Variants in DCC observed in about 807,000 individuals in gnomAD.
DCC encodes netrin receptor DCC.
Under a neutral mutation model 172.5 loss-of-function variants are expected in DCC, and 58 were observed. The observed-to-expected ratio is 0.34, with a 90% confidence interval of 0.27 to 0.42. The LOEUF (loss-of-function observed/expected upper bound fraction) is 0.42. DCC is among the 10% of genes least tolerant of loss of function. The pLI, the probability that DCC is intolerant of heterozygous loss-of-function variation, is 1.00. For synonymous variants in DCC, 709 were observed against 644.5 expected (o/e 1.10, Z -1.52); for missense variants, 1,740 against 1,791.0 (o/e 0.97, Z 0.51).
chr18:52,745,983 T>G (rs1207441530), intron 1 of DCC, among the ~76,000 whole-genome samples: 2 of 152,204 alleles, frequency 1.3e-5, no homozygotes, highest in Admixed American at 1.3e-4. Context: ...TAATTCATGT[T>G]TGTTTGTTTT....
chr18:52,602,400 A>AGTGTGT (rs71175506), intron 1 of DCC, among the ~76,000 whole-genome samples: 3,623 of 148,628 alleles, frequency 0.024, 138 homozygotes, highest in African/African-American at 0.076. Flanking sequence ...TTAGTATCAA[A>AGTGTGT]GTGTGTGTGT....
intron 1 of DCC, among the ~76,000 whole-genome samples, chr18:52,498,832 C>T (rs1372756321): frequency 6.6e-6 from 1 of 151,998 alleles, no homozygotes. Context: ...ATAAGGCCAC[C>T]AGATTTATAG....
At chr18:52,906,785 TATATC>T (rs1568179557) in intron 3 of DCC, among the ~76,000 whole-genome samples, 1 of 151,892 alleles carries the variant, frequency 6.6e-6, no homozygotes, top group African/African-American at 2.4e-5. Flanking sequence ...ATATGTATCA[TATATC>T]ATATATCTAT....
At chr18:53,148,153 A>C (rs1468678229) in intron 7 of DCC, among the ~76,000 whole-genome samples, 2 of 152,208 alleles carry the variant, frequency 1.3e-5, no homozygotes, top group Non-Finnish European at 2.9e-5. Context: ...TAACCAAAGG[A>C]AATTGCAGGG....
At chr18:53,198,175 ACCAGAGATAGCTAAT>A (rs1034503961) in intron 9 of DCC, among the ~76,000 whole-genome samples, 2 of 152,150 alleles carry the variant, frequency 1.3e-5, no homozygotes, top group Non-Finnish European at 2.9e-5. Flanking sequence ...ACCAAAAGAA[ACCAGAGATAGCTAAT>A]CCATTGGCAG....
intron 13 of DCC, among the ~76,000 whole-genome samples, chr18:53,306,544 T>G (rs1011431888): frequency 1.3e-5 from 2 of 152,212 alleles, no homozygotes; most frequent in Admixed American, 6.5e-5. Flanking sequence ...AGAAGCCACA[T>G]GAACTATCTC....
chr18:53,225,017 G>A (rs1183285943), intron 12 of DCC, among the ~76,000 whole-genome samples: 1 of 152,122 alleles, frequency 6.6e-6, no homozygotes, highest in Non-Finnish European at 1.5e-5. Flanking sequence ...TAGAGATTGG[G>A]CAGATGAGGA....
At chr18:53,357,534 T>C (rs1186318056) in intron 15 of DCC, among the ~76,000 whole-genome samples, 1 of 152,198 alleles carries the variant, frequency 6.6e-6, no homozygotes, top group Non-Finnish European at 1.5e-5. Flanking sequence ...AATGAATAAG[T>C]ACCATGTAGA....
At chr18:52,926,136 C>T (rs902529543) in intron 5 of DCC, among the ~76,000 whole-genome samples, 1 of 151,786 alleles carries the variant, frequency 6.6e-6, no homozygotes, top group African/African-American at 2.4e-5. Context: ...AATTTTTCCT[C>T]TGGAATAAAT....
chr18:52,689,574 G>A (rs549120275), intron 1 of DCC, among the ~76,000 whole-genome samples: 53 of 152,210 alleles, frequency 3.5e-4, no homozygotes, highest in African/African-American at 1.1e-3. Context: ...GTCTTCAAGC[G>A]CAGTGCCTAG....
chr18:52,891,032 T>C (rs750370831), intron 2 of DCC, among the ~76,000 whole-genome samples: 74 of 152,012 alleles, frequency 4.9e-4, no homozygotes, highest in Non-Finnish European at 9.3e-4. Context: ...TCAGTGTAAA[T>C]GGTGTAAAAT....
rs146942772 is a variant in DCC at position 53,206,130 on chromosome 18, A to ATATACATCTATATG, written c.1722+773_1722+774insCTATATGTATACAT. On this transcript the variant is annotated intron_variant, in intron 10 of 28. Transcript: ENST00000442544. ...TATAATACATATATAAGCATAATAC[A>ATATACATCTATATG]TATACATATATTATATATTATATAA... is the stretch of plus-strand genomic sequence containing the variant. Among the ~76,000 whole-genome samples, 39 of 111,160 alleles carry ATATACATCTATATG rather than the reference A, an allele frequency of 3.5e-4. 2 individuals carry two copies. Among genetic ancestry groups the ATATACATCTATATG allele is most frequent in the African/African-American group, 9.7e-4 (31 of 32,022 alleles). 72.9% of individuals were successfully genotyped at this position (111,160 alleles called of 152,430 possible).
intron 2 of DCC, among the ~76,000 whole-genome samples, chr18:52,778,374 T>C (rs1199138361): frequency 1.3e-5 from 2 of 152,196 alleles, no homozygotes; most frequent in East Asian, 1.9e-4. Flanking sequence ...AATTTTTTAA[T>C]TTTTTGCATT....
intron 1 of DCC, among the ~76,000 whole-genome samples, chr18:52,461,670 G>A (rs1006226274): frequency 2.0e-5 from 3 of 152,144 alleles, no homozygotes; most frequent in Non-Finnish European, 4.4e-5. Context: ...CCACTGTTGC[G>A]TACATTGTCT....
At chr18:53,300,108 A>G (rs62097989) in intron 12 of DCC, among the ~76,000 whole-genome samples, 44,398 of 152,124 alleles carry the variant, frequency 0.29, 8,311 homozygotes, top group Non-Finnish European at 0.43. Flanking sequence ...AATCAGATCA[A>G]TTGTATGTAA....
chr18:53,351,464 GTGTATATATATA>G (rs1340530414), intron 15 of DCC, among the ~76,000 whole-genome samples: 1 of 33,248 alleles, frequency 3.0e-5, no homozygotes, highest in African/African-American at 1.1e-4. Context: ...TATACACAGT[GTGTATATATATA>G]TATATATATA....
At chr18:53,050,350 C>T (rs2042318309) in intron 5 of DCC, among the ~76,000 whole-genome samples, 1 of 152,084 alleles carries the variant, frequency 6.6e-6, no homozygotes, top group Non-Finnish European at 1.5e-5. Context: ...CAAGTTGACA[C>T]TTATCCATCG....
chr18:53,462,284 T>G (rs973161565), intron 24 of DCC, among the ~76,000 whole-genome samples: 2 of 152,058 alleles, frequency 1.3e-5, no homozygotes, highest in Non-Finnish European at 2.9e-5. Context: ...AGAGCAAAGC[T>G]TCATATGTAT....
At chr18:53,526,541 T>G in intron 27 of DCC, 76 bp from the exon 28 acceptor site, 1 of 1,433,614 alleles carries the variant, frequency 7.0e-7, no homozygotes, top group Non-Finnish European at 9.8e-7. Context: ...ATCTCCTGGA[T>G]ATGGTGTATA....
Sources: allele counts gnomAD v4.1 joint callset (sites outside exome capture counted in the v4.1 genomes callset), GRCh38; gene constraint gnomAD v4.1.1; transcripts MANE v1.5; gene names NCBI Gene and HGNC (gene_info 2026-07-23, HGNC 2026-07-21).